EXD3: variants seen among roughly 807,000 people sequenced by gnomAD.
EXD3 encodes the protein exonuclease mut-7 homolog.
A neutral mutation model predicts 98.0 loss-of-function variants in EXD3; 92 were observed. The observed-to-expected ratio is 0.94, with a 90% CI of 0.79 to 1.12. The LOEUF (loss-of-function observed/expected upper bound fraction) is 1.12, where lower values mean the gene tolerates loss of function less well. EXD3 is among the 50% of genes most tolerant of loss of function. EXD3 has a pLI of 0.00. For missense variants in EXD3, 1,222 were observed against 1,191.6 expected, an observed-to-expected ratio of 1.03 and a Z score of -0.38; for synonymous variants, 569 against 526.0, an observed-to-expected ratio of 1.08 and a Z score of -1.12.
At position 137,373,449 on chromosome 9, in the gene EXD3, G is replaced by T; in HGVS notation, c.271C>A (p.Gln91Lys). ...ACCTGGGCCAGGCTCGGGCATGGCT[G>T]TGCCTGTAGCCAGCACTGCAGCTGG... ...SHQLQCWLQA[Q>K]PCPSLAQHSL... is the part of the protein sequence containing the mutation. The change falls in exon 4 of 22, where the codon CAG (glutamine) becomes AAG (lysine). Residue 91 changes from glutamine (Q) to lysine (K), a missense_variant. Physicochemically the swap from Gln to Lys is moderately conservative, Grantham distance 53. Transcript: ENST00000340951. 1 of 1,608,850 alleles carries T rather than the reference G, an allele frequency of 6.2e-7. No homozygotes were observed.
chr9:137,355,600 GGAGAAAGGAGGAAGGAGGAAGGGAGGAT>G (rs1834676574), intron 8 of EXD3, among the ~76,000 whole-genome samples: 10 of 70,698 alleles, frequency 1.4e-4, no homozygotes, highest in South Asian at 5.8e-4. Context: ...AAGGGCGGAA[GGAGAAAGGAGGAAGGAGGAAGGGAGGAT>G]GGAGGAAGGA....
At chr9:137,353,579 G>A (rs1283606660) in intron 10 of EXD3, 13 of 985,840 alleles carry the variant, frequency 1.3e-5, no homozygotes, top group Non-Finnish European at 1.6e-5. Context: ...ATCCTCACCA[G>A]GGTGAGCTCT....
chr9:137,351,170 G>C, intron 13 of EXD3, 23 bp from the exon 14 acceptor site: 1 of 1,555,774 alleles, frequency 6.4e-7, no homozygotes, highest in Non-Finnish European at 8.7e-7. Flanking sequence ...ACCATCGTGG[G>C]AGGGGCGCCT....
chr9:137,360,881 C>A (rs1365752352), intron 7 of EXD3, among the ~76,000 whole-genome samples: 1 of 86,886 alleles, frequency 1.2e-5, no homozygotes, highest in African/African-American at 3.2e-5. Context: ...CTTATTAATT[C>A]TAATAATTTA....
intron 1 of EXD3, among the ~76,000 whole-genome samples, chr9:137,400,528 G>A (rs1033324454): frequency 3.3e-5 from 5 of 152,298 alleles, no homozygotes; most frequent in South Asian, 2.1e-4. Flanking sequence ...CACTTTGGGA[G>A]GCCGAGGAGG....
rs1225403935 is a variant in EXD3, at chr9:137,355,626, G to A, written c.757+642C>T. 4.3e-4 allele frequency among the ~76,000 whole-genome samples: 6 copies of A among 14,046 alleles called. 1 individual carries two copies. The highest frequency in any genetic ancestry group is 3.3e-3 in the African/African-American group (5 of 1,530). 9.2% of individuals were successfully genotyped at this position (14,046 alleles called of 152,430 possible). On this transcript the variant is annotated intron_variant, in intron 8 of 21. Transcript: ENST00000340951. ...GAGAAAGGAGGAAGGAGGAAGGGAG[G>A]ATGGAGGAAGGAGGAAGGAGGAAGG...
In EXD3 at chr9:137,405,343, G is replaced by C. The variant is rs763258179; in HGVS notation, c.-47-9939C>G. Among the ~76,000 whole-genome samples the C allele has an allele frequency of 5.9e-5, 9 of 152,224 alleles. No homozygotes were observed. Among genetic ancestry groups the C allele is most frequent in the African/African-American group, 2.2e-4 (9 of 41,466 alleles). On this transcript the variant is annotated intron_variant, in intron 1 of 21. Coordinates refer to ENST00000340951, the MANE Select transcript of EXD3 (RefSeq NM_017820.5). This position sits in a 1 kb window ranked among gnomAD's most constrained non-coding sequence, Gnocchi z 4.1. Reference sequence around the variant, plus strand: ...CCCGCTGCTTCCCCAACTGCTCCCTGGGGACCCCTGGACCACAGGACCAAC... The same window carrying C: ...CCCGCTGCTTCCCCAACTGCTCCCTCGGGACCCCTGGACCACAGGACCAAC...
At chr9:137,421,713 C>T (rs1838522850) in intron 1 of EXD3, among the ~76,000 whole-genome samples, 1 of 152,194 alleles carries the variant, frequency 6.6e-6, no homozygotes, top group Non-Finnish European at 1.5e-5. Flanking sequence ...TGGCAAACAC[C>T]TGTATTCCCA....
chr9:137,354,866 G>A (rs1399092238), intron 8 of EXD3, 93 bp from the exon 9 acceptor site: 12 of 1,245,504 alleles, frequency 9.6e-6, no homozygotes, highest in Admixed American at 4.5e-5. Context: ...GAGGGGCTGC[G>A]CCTGCCCCTT....
intron 10 of EXD3, chr9:137,353,915 C>T (rs777733635): frequency 9.6e-5 from 97 of 1,006,472 alleles, no homozygotes; most frequent in Admixed American, 1.2e-4. Context: ...ACGTGGAAGC[C>T]GCCCGCATTC....
rs1832291920 is a variant in EXD3, at chr9:137,324,697, T to C, written c.1999-554A>G. Among the ~76,000 whole-genome samples the C allele has an allele frequency of 6.6e-6, 1 of 151,600 alleles. No individual in the cohort carries two copies. The highest frequency in any genetic ancestry group is 2.4e-5 in the African/African-American group (1 of 41,036). On this transcript the variant is annotated intron_variant, in intron 17 of 21. Coordinates refer to ENST00000340951, the MANE Select transcript of EXD3 (RefSeq NM_017820.5). The surrounding 1 kb of genome is among the most constrained non-coding windows in gnomAD (Gnocchi z 4.1). The stretch of plus-strand genomic sequence containing the variant: ...GGAGATACAAAATTAAAATTAAGGA[T>C]TTTTTTTGTTTTTTAGACGGAGTCT...
In EXD3 at chr9:137,307,241, A is replaced by AGGGGCTGCGTCT. The variant is rs1554795738; in HGVS notation, c.2328_2339dup (p.Asp777_Pro780dup). On this transcript the variant is annotated inframe_insertion, in exon 22 of 22. Coordinates refer to ENST00000340951, the MANE Select transcript of EXD3 (RefSeq NM_017820.5). ...AGGGGCGGTCATAGGTGCAGCCCTC[A>AGGGGCTGCGTCT]GGGGCTGCGTCTGGGGCTGGGCCTG... The AGGGGCTGCGTCT allele has an allele frequency of 5.2e-6, 8 of 1,551,852 alleles. No homozygotes were observed. In the South Asian group the frequency reaches 9.6e-5, roughly 19 times the overall value.
chr9:137,329,295 GGGGGCTACAC>G lies in EXD3; in HGVS notation c.1999-5162_1999-5153del, dbSNP rs1267024683. Among the ~76,000 whole-genome samples the G allele has an allele frequency of 7.2e-4, 5 of 6,954 alleles. 2 individuals are homozygous for G. The highest frequency in any genetic ancestry group is 1.0e-3 in the Non-Finnish European group (5 of 4,900). The allele number at this position is 6,954 out of a possible 152,430, so 4.6% of individuals were successfully genotyped here. A position where few individuals can be genotyped will look rare whatever the true frequency, so the allele number is the denominator to read the frequency against. On this transcript the variant is annotated intron_variant, in intron 17 of 21. Coordinates refer to ENST00000340951, the MANE Select transcript of EXD3 (RefSeq NM_017820.5). ...TACACGGGAGCTACACGGGGCTACA[GGGGGCTACAC>G]GGGGCTACACGGGACTACACGGGAG...
intron 19 of EXD3, among the ~76,000 whole-genome samples, chr9:137,314,241 C>A (rs1405965922): frequency 2.6e-5 from 4 of 152,212 alleles, no homozygotes; most frequent in Non-Finnish European, 5.9e-5. Flanking sequence ...CCCCAGAGTG[C>A]CTTGCAGCCC....
chr9:137,356,287 C>T lies in EXD3; in HGVS notation c.738G>A (p.Glu246=). 6.2e-7 allele frequency: 1 copy of T among 1,603,018 alleles called. No homozygotes were observed. Among genetic ancestry groups the T allele is most frequent in the Non-Finnish European group, 8.5e-7 (1 of 1,175,632 alleles). Residue 246 remains glutamate, a synonymous_variant, in exon 8 of 22, where the codon GAG becomes GAA. Coordinates refer to ENST00000340951, the MANE Select transcript of EXD3 (RefSeq NM_017820.5). ...ACTCACCTGGGGCTACGCCGTACCG[C>T]TCCTGCAGACGCAAGACCTGCCTGC... ...ALSRQVLRLQ[E]RYGVAPALCP... is the part of the protein sequence containing the mutation.
intron 19 of EXD3, 80 bp downstream of exon 19, chr9:137,323,645 G>C: frequency 6.4e-7 from 1 of 1,558,774 alleles, no homozygotes; most frequent in South Asian, 1.2e-5. Flanking sequence ...ACTGTCTAGG[G>C]TGGGGCCCAC....
At chr9:137,328,640 G>GA (rs1227076513) in intron 17 of EXD3, among the ~76,000 whole-genome samples, 12 of 81,800 alleles carry the variant, frequency 1.5e-4, no homozygotes, top group Admixed American at 2.4e-4. Flanking sequence ...GACTACACGG[G>GA]GCTACACGGG....
At chr9:137,346,926 C>T (rs1211989647) in intron 17 of EXD3, among the ~76,000 whole-genome samples, 3 of 152,128 alleles carry the variant, frequency 2.0e-5, no homozygotes, top group African/African-American at 7.2e-5. Context: ...AAGCAATTCT[C>T]TGCCTCAGCC....
At chr9:137,387,715 T>C (rs1836677507) in intron 2 of EXD3, among the ~76,000 whole-genome samples, 1 of 152,152 alleles carries the variant, frequency 6.6e-6, no homozygotes, top group Non-Finnish European at 1.5e-5. Flanking sequence ...GGCTTGGAGC[T>C]GACACCGAGG....
Sources: gnomAD v4.1 joint callset for allele counts (sites outside exome capture counted in the v4.1 genomes callset) on GRCh38, gnomAD v4.1.1 for gene constraint, Gnocchi (gnomAD v3.1) non-coding constraint, MANE v1.5 for transcripts, NCBI Gene and HGNC (gene_info 2026-07-23, HGNC 2026-07-21) for gene names.